Variants in AKAP1 observed in about 807,000 individuals in gnomAD.
AKAP1 encodes A-kinase anchoring protein 1, also known as A-kinase anchor protein 1, mitochondrial.
AKAP1 carries 32 observed loss-of-function variants against 79.8 expected under a neutral mutation model. That is an observed-to-expected ratio of 0.40 (90% CI 0.30 to 0.54). The LOEUF (loss-of-function observed/expected upper bound fraction) is 0.54. Ranked by LOEUF, AKAP1 falls within the 20% of genes least tolerant of loss-of-function variation. The pLI, the probability that AKAP1 is intolerant of heterozygous loss-of-function variation, is 0.47. For synonymous variants in AKAP1, 416 were observed against 466.7 expected (o/e 0.89, Z 1.40); for missense variants, 961 against 1,138.9 (o/e 0.84, Z 2.25).
chr17:57,087,529 T>C (rs1355253352), intron 1 of AKAP1, among the ~76,000 whole-genome samples: 1 of 152,234 alleles, frequency 6.6e-6, no homozygotes. Flanking sequence ...AGGGGAAGGC[T>C]GGTGTTAGCC....
chr17:57,110,114 C>A lies in AKAP1; in HGVS notation c.1804C>A (p.Pro602Thr). 1 of 1,614,124 alleles carries A rather than the reference C, an allele frequency of 6.2e-7. No homozygotes were observed. Among genetic ancestry groups the A allele is most frequent in the South Asian group, 1.1e-5 (1 of 91,078 alleles). ...SFQNAQAGSN[P>T]KKVDLIIWEI... ...CCAAAATGCCCAGGCAGGCTCCAACCCTAAGAAGGTCGACCTCATCATCTG... is the reference window on the plus strand; with the variant it reads ...CCAAAATGCCCAGGCAGGCTCCAACACTAAGAAGGTCGACCTCATCATCTG... Residue 602 changes from proline to threonine, a missense_variant, in exon 3 of 11, where the codon CCT becomes ACT. This residue lies in a region of AKAP1 where 629 missense variants were observed against 781.1 expected (regional missense o/e 0.81). Coordinates refer to ENST00000337714, the MANE Select transcript of AKAP1 (RefSeq NM_003488.4).
At chr17:57,109,898 C>T (rs1412584657) in intron 2 of AKAP1, 127 bp from the exon 3 acceptor site, 4 of 1,275,992 alleles carry the variant, frequency 3.1e-6, no homozygotes, top group Non-Finnish European at 4.4e-6. Flanking sequence ...TTGACAGTCA[C>T]CTGCCAAGCT....
chr17:57,101,593 G>A (rs1031679226), intron 1 of AKAP1: 1 of 152,166 alleles, frequency 6.6e-6, no homozygotes, highest in African/African-American at 2.4e-5. Context: ...TGATTTAATA[G>A]GGCTGGTGCT....
At chr17:57,115,301 T>C in intron 6 of AKAP1, among the ~76,000 whole-genome samples, 1 of 152,214 alleles carries the variant, frequency 6.6e-6, no homozygotes, top group East Asian at 1.9e-4. Flanking sequence ...TGTAGCCTTT[T>C]GTGTGGATTT....
At chr17:57,100,753 C>A (rs1914456419) in intron 1 of AKAP1, among the ~76,000 whole-genome samples, 1 of 152,228 alleles carries the variant, frequency 6.6e-6, no homozygotes, top group African/African-American at 2.4e-5. Flanking sequence ...GGGCACACTC[C>A]CCTATCCATT....
rs1915762071 is a variant in AKAP1, at chr17:57,119,024, T to C, written c.2617T>C (p.Trp873Arg). 1 of 1,613,848 alleles carries C rather than the reference T, an allele frequency of 6.2e-7. No individual in the cohort carries two copies. Among genetic ancestry groups the C allele is most frequent in the Non-Finnish European group, 8.5e-7 (1 of 1,179,830 alleles). ...SPTGLPLIQL[W>R]SVVGDEVVLI... Reference sequence around the variant, plus strand: ...AACTGGTCTTCCTCTGATTCAGCTGTGGAGTGTGGTTGGAGATGAAGTAAG... The same window carrying C: ...AACTGGTCTTCCTCTGATTCAGCTGCGGAGTGTGGTTGGAGATGAAGTAAG... The change falls in exon 10 of 11, where the codon TGG becomes CGG. Residue 873 changes from tryptophan (W) to arginine (R), a missense_variant. Physicochemically the swap from Trp to Arg is moderately radical, Grantham distance 101. Around this residue, in one of 3 missense-constraint regions of AKAP1, gnomAD observed 629 missense variants for 781.1 expected, o/e 0.81. Coordinates refer to ENST00000337714, the MANE Select transcript of AKAP1 (RefSeq NM_003488.4).
chr17:57,117,139 T>A (rs1346763878), intron 8 of AKAP1, among the ~76,000 whole-genome samples: 1 of 152,240 alleles, frequency 6.6e-6, no homozygotes, highest in East Asian at 1.9e-4. Context: ...TCCTTTGAGA[T>A]CCACTGCTCT....
intron 7 of AKAP1, 98 bp from the exon 8 acceptor site, chr17:57,116,762 C>T: frequency 8.4e-7 from 1 of 1,184,578 alleles, no homozygotes; most frequent in Non-Finnish European, 1.3e-6. Context: ...TTTGCTGCAT[C>T]CCAGGTTATG....
chr17:57,088,937 T>G (rs1457763077), intron 1 of AKAP1, among the ~76,000 whole-genome samples: 3 of 152,144 alleles, frequency 2.0e-5, no homozygotes, highest in African/African-American at 7.2e-5. Flanking sequence ...TAAGGCCCAG[T>G]TGCACTTGGG....
chr17:57,097,291 G>T (rs1466498014), intron 1 of AKAP1, among the ~76,000 whole-genome samples: 2 of 152,166 alleles, frequency 1.3e-5, no homozygotes, highest in Admixed American at 6.5e-5. Context: ...TGCTTGTGGC[G>T]CAGGGGTGTG....
chr17:57,119,820 C>G (rs1367710978), intron 10 of AKAP1, among the ~76,000 whole-genome samples: 1 of 74,558 alleles, frequency 1.3e-5, no homozygotes, highest in African/African-American at 5.5e-5. Flanking sequence ...ATGTCCCCCA[C>G]CCTGTTACTC....
At chr17:57,102,506 C>T (rs1451651468) in intron 1 of AKAP1, among the ~76,000 whole-genome samples, 1 of 150,826 alleles carries the variant, frequency 6.6e-6, no homozygotes, top group African/African-American at 2.4e-5. Context: ...CGCTCTGTCA[C>T]CCAGACTGGA....
intron 8 of AKAP1, 143 bp from the exon 9 acceptor site, chr17:57,118,238 C>T: frequency 1.4e-6 from 1 of 705,044 alleles, no homozygotes; most frequent in Non-Finnish European, 2.5e-6. Context: ...TGTCTCTGAC[C>T]TGGGTGGATC....
rs1201874014 is a variant in AKAP1, at chr17:57,086,226, G to A, written c.-25+828G>A. 17 of 329,526 alleles carry A rather than the reference G, an allele frequency of 5.2e-5. No individual in the cohort carries two copies. The highest frequency in any genetic ancestry group is 2.1e-4 in the South Asian group (10 of 46,674). 20.4% of individuals were successfully genotyped at this position (329,526 alleles called of 1,614,324 possible). On this transcript the variant is annotated intron_variant, in intron 1 of 10. Coordinates refer to ENST00000337714, the MANE Select transcript of AKAP1 (RefSeq NM_003488.4). This position sits in a 1 kb window ranked among gnomAD's most constrained non-coding sequence, Gnocchi z 5.1. Reference sequence around the variant, plus strand: ...GTGTCCGGCCCCGCCTGCGGCCCAGGGCCCGGGGTCTGCGATCTGGAGGGA... The same window carrying A: ...GTGTCCGGCCCCGCCTGCGGCCCAGAGCCCGGGGTCTGCGATCTGGAGGGA...
In AKAP1 at chr17:57,118,470, G is replaced by T; in HGVS notation, c.2574+16G>T. The T allele has an allele frequency of 6.2e-7, 1 of 1,613,462 alleles. No individual in the cohort carries two copies. Among genetic ancestry groups the T allele is most frequent in the Middle Eastern group, 1.7e-4 (1 of 6,058 alleles). ...GCTTGCTCAGGTGTGTGGTTGGCAG[G>T]GGTGGGGGAGGCAGGCTGGCTGGGT... On this transcript the variant is annotated intron_variant, in intron 9 of 10. Transcript: ENST00000337714.
intron 3 of AKAP1, among the ~76,000 whole-genome samples, chr17:57,110,791 G>C (rs1441114802): frequency 6.6e-6 from 1 of 152,186 alleles, no homozygotes; most frequent in Non-Finnish European, 1.5e-5. Flanking sequence ...ATTATTCACT[G>C]TGTGGATGTC....
At chr17:57,091,429 G>C (rs1913777079) in intron 1 of AKAP1, among the ~76,000 whole-genome samples, 1 of 152,126 alleles carries the variant, frequency 6.6e-6, no homozygotes, top group Admixed American at 6.5e-5. Flanking sequence ...GGAGAATAAA[G>C]CCACCCTGGA....
At chr17:57,117,029 TA>T in intron 8 of AKAP1, 102 bp downstream of exon 8, 1 of 1,223,238 alleles carries the variant, frequency 8.2e-7, no homozygotes, top group Non-Finnish European at 1.2e-6. Flanking sequence ...TATGCTAACA[TA>T]AGTTGCTACC....
At chr17:57,112,023 C>G (rs1414950153) in intron 4 of AKAP1, 99 bp downstream of exon 4, 1 of 1,465,750 alleles carries the variant, frequency 6.8e-7, no homozygotes, top group East Asian at 2.3e-5. Context: ...GAATAGGAAA[C>G]CCTGCTTCTC....
Sources: allele counts gnomAD v4.1 joint callset (sites outside exome capture counted in the v4.1 genomes callset), GRCh38; gene constraint gnomAD v4.1.1; regional missense constraint gnomAD v4.1.1; non-coding constraint Gnocchi (gnomAD v3.1); transcripts MANE v1.5; gene names NCBI Gene and HGNC (gene_info 2026-07-23, HGNC 2026-07-21).